The following CFAP20DC variants were observed in gnomAD, a reference collection of about 807,000 sequenced individuals.
CFAP20DC encodes protein CFAP20DC.
A neutral mutation model predicts 101.7 loss-of-function variants in CFAP20DC; 84 were observed. The ratio of observed to expected loss-of-function variants is 0.83; its 90% CI spans 0.69 to 0.99. CFAP20DC has a LOEUF of 0.99. Ranked by LOEUF, CFAP20DC falls within the 50% of genes least tolerant of loss-of-function variation. The pLI is 0.00. For synonymous variants in CFAP20DC, 359 were observed against 351.2 expected, an observed-to-expected ratio of 1.02 and a Z score of -0.25; for missense variants, 1,007 against 970.3, an observed-to-expected ratio of 1.04 and a Z score of -0.50.
chr3:58,810,768 C>T (rs1417718311), intron 14 of CFAP20DC, among the ~76,000 whole-genome samples: 1 of 151,386 alleles, frequency 6.6e-6, no homozygotes, highest in African/African-American at 2.4e-5. Context: ...CAAATTGTCC[C>T]TGTTTGCAGA....
At chr3:58,765,928 G>A (rs963689334) in intron 15 of CFAP20DC, among the ~76,000 whole-genome samples, 10 of 152,132 alleles carry the variant, frequency 6.6e-5, no homozygotes, top group Non-Finnish European at 1.3e-4. Flanking sequence ...AAAAGCTGGT[G>A]AAAACTGTTT....
chr3:58,827,642 T>C (rs893720219), intron 14 of CFAP20DC, among the ~76,000 whole-genome samples: 1 of 152,182 alleles, frequency 6.6e-6, no homozygotes, highest in Non-Finnish European at 1.5e-5. Context: ...GGCTTAACTG[T>C]TGTCTTCTCT....
In CFAP20DC at chr3:58,721,407, T is replaced by C. The variant is rs1205520547; in HGVS notation, c.198-3779A>G. Among the ~76,000 whole-genome samples, 1 of 135,002 alleles carries C rather than the reference T, an allele frequency of 7.4e-6. No individual in the cohort carries two copies. The highest frequency in any genetic ancestry group is 2.7e-5 in the African/African-American group (1 of 37,010). The allele number at this position is 135,002 out of a possible 152,430, so 88.6% of individuals were successfully genotyped here. On this transcript the variant is annotated intron_variant, in intron 3 of 3. Coordinates refer to the CFAP20DC transcript ENST00000486145. This position sits in a 1 kb window ranked among gnomAD's most constrained non-coding sequence, Gnocchi z 5.2. The stretch of plus-strand genomic sequence containing the variant: ...CATTTTTTAAAAATTACAACCATGA[T>C]AGGGTACCTAGTGCTATGAATATTT...
chr3:58,752,945 C>A (rs2068677701), intron 16 of CFAP20DC, among the ~76,000 whole-genome samples: 1 of 152,126 alleles, frequency 6.6e-6, no homozygotes, highest in Non-Finnish European at 1.5e-5. Flanking sequence ...AAATTCCACC[C>A]AGAAAACTGT....
rs1242857595 is a variant in CFAP20DC at position 58,971,517 on chromosome 3, TTC to T, written c.279-33757_279-33756del. Among the ~76,000 whole-genome samples the T allele has an allele frequency of 1.3e-5, 2 of 152,166 alleles. No homozygotes were observed. The highest frequency in any genetic ancestry group is 2.9e-5 in the Non-Finnish European group (2 of 68,026). On this transcript the variant is annotated intron_variant, in intron 4 of 16. Transcript: ENST00000482387. This position sits in a 1 kb window ranked among gnomAD's most constrained non-coding sequence, Gnocchi z 4.1. ...TTTTATTCCTTAGGCAATATATACA[TTC>T]TCTTTTTCATTTTTACACGAAAATC...
chr3:58,854,119 TGA>T, intron 12 of CFAP20DC, among the ~76,000 whole-genome samples: 1 of 152,306 alleles, frequency 6.6e-6, no homozygotes, highest in South Asian at 2.1e-4. Context: ...CTTAAGCTGA[TGA>T]ACAACTTCAG....
At chr3:58,801,650 CG>C (rs1184601276) in intron 15 of CFAP20DC, among the ~76,000 whole-genome samples, 3 of 152,024 alleles carry the variant, frequency 2.0e-5, no homozygotes. Context: ...ACGATACCAC[CG>C]TGGTCAGTCT....
intron 13 of CFAP20DC, among the ~76,000 whole-genome samples, chr3:58,837,071 A>G (rs1015529017): frequency 5.3e-5 from 8 of 152,150 alleles, no homozygotes; most frequent in African/African-American, 1.9e-4. Context: ...AAATAATTAA[A>G]TAGACTATCA....
intron 4 of CFAP20DC, among the ~76,000 whole-genome samples, chr3:59,008,282 C>G (rs1439905829): frequency 2.6e-5 from 4 of 152,140 alleles, no homozygotes; most frequent in Admixed American, 2.6e-4. Context: ...GAACAGCTTT[C>G]CTGGTGACCT....
rs950586801 is a variant in CFAP20DC at position 58,732,013 on chromosome 3, C to T, written c.198-14385G>A. ...TTTGTAAAGTAGATGAACACAGTTG[C>T]GAGGATTAAATGAGAAAATATGCAC... On this transcript the variant is annotated intron_variant, in intron 3 of 3. Coordinates refer to the CFAP20DC transcript ENST00000486145. The surrounding 1 kb of genome is among the most constrained non-coding windows in gnomAD (Gnocchi z 5.4). Among the ~76,000 whole-genome samples, 3 of 152,044 alleles carry T rather than the reference C, an allele frequency of 2.0e-5. No individual in the cohort carries two copies. Among genetic ancestry groups the T allele is most frequent in the East Asian group, 1.9e-4 (1 of 5,200 alleles).
chr3:58,845,931 G>C (rs1185082211), intron 13 of CFAP20DC, among the ~76,000 whole-genome samples: 2 of 150,640 alleles, frequency 1.3e-5, no homozygotes, highest in African/African-American at 2.5e-5. Flanking sequence ...TATCTCAATA[G>C]ATGCAGAAAA....
At position 58,732,831 on chromosome 3, in the gene CFAP20DC, T is replaced by C. The variant is rs1346216145; in HGVS notation, c.198-15203A>G. ...AGACACTGGTATGTCTTTGGTGAAA[T>C]GTTCTATATCTATAACTTGTGATTA... On this transcript the variant is annotated intron_variant, in intron 3 of 3. Transcript: ENST00000486145. The surrounding 1 kb of genome is among the most constrained non-coding windows in gnomAD (Gnocchi z 5.4). Among the ~76,000 whole-genome samples, 1 of 152,232 alleles carries C rather than the reference T, an allele frequency of 6.6e-6. No individual in the cohort carries two copies. The highest frequency in any genetic ancestry group is 1.5e-5 in the Non-Finnish European group (1 of 68,042).
rs1228498276 is a variant in CFAP20DC at position 58,868,222 on chromosome 3, T to G, written c.1016-286A>C. The stretch of plus-strand genomic sequence containing the variant: ...ATGTTAATCATACAACATGGCATAT[T>G]AAAAAACATTACAAAATGAAACTGA... On this transcript the variant is annotated intron_variant, in intron 9 of 16. Coordinates refer to ENST00000482387, the MANE Select transcript of CFAP20DC (RefSeq NM_001394063.1). The surrounding 1 kb of genome is among the most constrained non-coding windows in gnomAD (Gnocchi z 4.6). Among the ~76,000 whole-genome samples, 1 of 152,098 alleles carries G rather than the reference T, an allele frequency of 6.6e-6. No individual in the cohort carries two copies. The highest frequency in any genetic ancestry group is 1.5e-5 in the Non-Finnish European group (1 of 67,998).
chr3:58,883,050 T>G (rs113775644), intron 7 of CFAP20DC, among the ~76,000 whole-genome samples: 1 of 152,170 alleles, frequency 6.6e-6, no homozygotes, highest in Non-Finnish European at 1.5e-5. Flanking sequence ...CAAGAATAAA[T>G]GAACATGGAA....
intron 16 of CFAP20DC, among the ~76,000 whole-genome samples, chr3:58,746,040 AC>A (rs2107174146): frequency 6.6e-6 from 1 of 152,312 alleles, no homozygotes; most frequent in East Asian, 1.9e-4. Flanking sequence ...AGGGTTATGT[AC>A]GTTTATACCT....
intron 16 of CFAP20DC, among the ~76,000 whole-genome samples, chr3:58,744,543 T>A (rs2107156184): frequency 6.6e-6 from 1 of 152,258 alleles, no homozygotes; most frequent in South Asian, 2.1e-4. Context: ...AAAATATTGT[T>A]AAAGATGAGA....
intron 6 of CFAP20DC, among the ~76,000 whole-genome samples, chr3:58,891,615 GTGTC>G (rs1296884718): frequency 6.6e-6 from 1 of 152,118 alleles, no homozygotes; most frequent in Non-Finnish European, 1.5e-5. Flanking sequence ...CTTTTGAGAA[GTGTC>G]TGTTCATGTC....
chr3:59,008,174 T>C (rs1018291344), intron 4 of CFAP20DC, among the ~76,000 whole-genome samples: 2 of 152,020 alleles, frequency 1.3e-5, no homozygotes, highest in Non-Finnish European at 2.9e-5. Context: ...GAGTCACAAT[T>C]CCTCCCTACT....
chr3:58,762,584 T>C (rs2069749654), intron 15 of CFAP20DC, among the ~76,000 whole-genome samples: 1 of 152,220 alleles, frequency 6.6e-6, no homozygotes, highest in Non-Finnish European at 1.5e-5. Context: ...GTCATTATGA[T>C]GTTAGCTGAT....
Sources: allele counts gnomAD v4.1 joint callset (sites outside exome capture counted in the v4.1 genomes callset), GRCh38; gene constraint gnomAD v4.1.1; non-coding constraint Gnocchi (gnomAD v3.1); transcripts MANE v1.5; gene names NCBI Gene and HGNC (gene_info 2026-07-23, HGNC 2026-07-21).